Variants in CYFIP2 observed in about 807,000 individuals in gnomAD.
CYFIP2 encodes cytoplasmic FMR1-interacting protein 2.
CYFIP2 carries 29 observed loss-of-function variants against 158.7 expected under a neutral mutation model. The ratio of observed to expected loss-of-function variants is 0.18; its 90% CI spans 0.14 to 0.25. The LOEUF (loss-of-function observed/expected upper bound fraction) is 0.25. CYFIP2 is among the 10% of genes least tolerant of loss of function. The pLI is 1.00. For missense variants in CYFIP2, 852 were observed against 1,639.5 expected (o/e 0.52, Z 8.29); for synonymous variants, 585 against 617.6 (o/e 0.95, Z 0.78).
At chr5:157,383,411 G>T (rs779748815) in intron 28 of CYFIP2, 52 bp downstream of exon 28, 9 of 1,524,584 alleles carry the variant, frequency 5.9e-6, no homozygotes, top group African/African-American at 1.4e-5. Flanking sequence ...GAACTTGAGA[G>T]CATTTGACCA....
At chr5:157,379,687 A>C (rs1330188471) in intron 26 of CYFIP2, among the ~76,000 whole-genome samples, 1 of 150,338 alleles carries the variant, frequency 6.7e-6, no homozygotes, top group Admixed American at 6.6e-5. Flanking sequence ...AAAAAAAAAA[A>C]AAAAAACCCA....
intron 19 of CYFIP2, 68 bp downstream of exon 19, chr5:157,328,117 T>C (rs761102562): frequency 2.9e-4 from 417 of 1,446,150 alleles, no homozygotes; most frequent in Non-Finnish European, 3.7e-4. Context: ...TGATTTTCTG[T>C]TGTGAAACCT....
chr5:157,302,258 C>A (rs1462088833), intron 6 of CYFIP2, among the ~76,000 whole-genome samples: 1 of 152,178 alleles, frequency 6.6e-6, no homozygotes, highest in Non-Finnish European at 1.5e-5. Flanking sequence ...CCCATCAAGT[C>A]CTGCTTGTGT....
intron 23 of CYFIP2, among the ~76,000 whole-genome samples, chr5:157,354,167 A>G (rs1219179802): frequency 6.6e-6 from 1 of 152,200 alleles, no homozygotes; most frequent in Admixed American, 6.5e-5. Context: ...TCACACAGTA[A>G]TAACATGGCT....
chr5:157,386,624 G>A (rs190350878), intron 28 of CYFIP2, among the ~76,000 whole-genome samples: 3 of 152,308 alleles, frequency 2.0e-5, no homozygotes, highest in Admixed American at 1.3e-4. Context: ...ACGATGTTAT[G>A]TATAAGGATG....
Position 157,346,859 on chromosome 5 carries a change from C to T in CYFIP2, c.2673+5702C>T, listed in dbSNP as rs562561171. Among the ~76,000 whole-genome samples the T allele has an allele frequency of 2.0e-5, 3 of 152,274 alleles. 1 individual carries two copies. The East Asian group carries it at 5.8e-4, about 29-fold the overall frequency. The stretch of plus-strand genomic sequence containing the variant: ...GTTTGCTACTCCTGGATTGAATCAT[C>T]CCCAGCGTTCCTTTCCTTTCAAGAA... On this transcript the variant is annotated intron_variant, in intron 23 of 30. Coordinates refer to ENST00000620254, the MANE Select transcript of CYFIP2 (RefSeq NM_001037333.3).
intron 27 of CYFIP2, among the ~76,000 whole-genome samples, chr5:157,382,913 CA>C (rs1403685597): frequency 6.6e-6 from 1 of 152,166 alleles, no homozygotes; most frequent in Non-Finnish European, 1.5e-5. Flanking sequence ...AATTCTTCAA[CA>C]AATTCCTTAT....
chr5:157,290,668 G>A (rs1757748018), intron 3 of CYFIP2, among the ~76,000 whole-genome samples: 1 of 152,208 alleles, frequency 6.6e-6, no homozygotes, highest in Non-Finnish European at 1.5e-5. Context: ...ATGTGGCTTA[G>A]GCATGAGTCA....
chr5:157,330,807 C>T lies in CYFIP2; in HGVS notation c.2222C>T (p.Pro741Leu), dbSNP rs769467382. Residue 741 changes from proline to leucine, a missense_variant, in exon 20 of 31, where the codon CCG (proline) becomes CTG (leucine). This residue lies in a region of CYFIP2 where 191 missense variants were observed against 311.2 expected (regional missense o/e 0.61). Coordinates refer to ENST00000620254, the MANE Select transcript of CYFIP2 (RefSeq NM_001037333.3). Reference sequence around the variant, plus strand: ...TATGGCGTCATCATTCCGTATCCACCGTCCAATCGCTATGAAACACTGCTG... The same window carrying T: ...TATGGCGTCATCATTCCGTATCCACTGTCCAATCGCTATGAAACACTGCTG... Reference protein sequence around the residue: ...KNYGVIIPYPPSNRYETLLKQ... With the variant: ...KNYGVIIPYPLSNRYETLLKQ... The T allele has an allele frequency of 2.6e-5, 42 of 1,613,858 alleles. No individual in the cohort carries two copies. The highest frequency in any genetic ancestry group is 3.3e-4 in the Middle Eastern group (2 of 6,084).
At chr5:157,334,653 A>G (rs1285145033) in intron 21 of CYFIP2, among the ~76,000 whole-genome samples, 1 of 152,198 alleles carries the variant, frequency 6.6e-6, no homozygotes, top group Non-Finnish European at 1.5e-5. Context: ...TAATTATGAG[A>G]AAATATCAGA....
intron 26 of CYFIP2, chr5:157,376,957 C>T: frequency 2.2e-6 from 1 of 453,466 alleles, no homozygotes; most frequent in South Asian, 1.6e-5. Flanking sequence ...TGCAGCCTTG[C>T]TGTTCTCTGA....
At chr5:157,289,768 G>A (rs1364051421) in intron 3 of CYFIP2, among the ~76,000 whole-genome samples, 2 of 152,036 alleles carry the variant, frequency 1.3e-5, no homozygotes, top group Non-Finnish European at 1.5e-5. Flanking sequence ...ATAAATTTGG[G>A]GGGCACACAA....
chr5:157,292,932 T>C (rs1316868590), intron 3 of CYFIP2, among the ~76,000 whole-genome samples: 1 of 152,154 alleles, frequency 6.6e-6, no homozygotes, highest in Non-Finnish European at 1.5e-5. Flanking sequence ...AACAGATGAC[T>C]AAGTGGAGAA....
chr5:157,333,356 A>C lies in CYFIP2; in HGVS notation c.2295A>C (p.Arg765Ser). The C allele has an allele frequency of 2.5e-6, 4 of 1,613,862 alleles. No homozygotes were observed. The highest frequency in any genetic ancestry group is 3.4e-6 in the Non-Finnish European group (4 of 1,179,854). ...TGGGTAGATCAATTGACTTGAACAGACTCATTACCCAGCGCATCTCTGCCG... is the reference window on the plus strand; with the variant it reads ...TGGGTAGATCAATTGACTTGAACAGCCTCATTACCCAGCGCATCTCTGCCG... ...QLLGRSIDLN[R>S]LITQRISAAM... Residue 765 changes from arginine to serine, a missense_variant, in exon 21 of 31, where the codon AGA (arginine) becomes AGC (serine). Arg to Ser is a moderately radical substitution (Grantham distance 110). Transcript: ENST00000620254.
chr5:157,339,292 G>C, intron 22 of CYFIP2, 36 bp downstream of exon 22: 1 of 1,586,934 alleles, frequency 6.3e-7, no homozygotes, highest in Non-Finnish European at 8.6e-7. Context: ...GCCGGGTGGG[G>C]GTTGGGGGAG....
intron 3 of CYFIP2, among the ~76,000 whole-genome samples, chr5:157,291,009 C>T (rs1470732243): frequency 6.6e-6 from 1 of 152,168 alleles, no homozygotes; most frequent in Non-Finnish European, 1.5e-5. Flanking sequence ...GAGCTACACT[C>T]ACATTGGGTT....
chr5:157,309,856 T>A, intron 10 of CYFIP2, 22 bp downstream of exon 10: 1 of 1,568,504 alleles, frequency 6.4e-7, no homozygotes, highest in Non-Finnish European at 8.6e-7. Context: ...CCGTAATGTC[T>A]CTCGGCTCCC....
chr5:157,331,901 A>G (rs921424602), intron 20 of CYFIP2, among the ~76,000 whole-genome samples: 2 of 152,228 alleles, frequency 1.3e-5, no homozygotes, highest in African/African-American at 4.8e-5. Flanking sequence ...GGTACTCAAC[A>G]AATGTTCATT....
chr5:157,362,363 A>G (rs1763914854), intron 26 of CYFIP2, among the ~76,000 whole-genome samples: 1 of 152,198 alleles, frequency 6.6e-6, no homozygotes, highest in African/African-American at 2.4e-5. Flanking sequence ...TCTGAAAAAG[A>G]ACTCTGGTTC....
Sources: allele counts gnomAD v4.1 joint callset (sites outside exome capture counted in the v4.1 genomes callset), GRCh38; gene constraint gnomAD v4.1.1; regional missense constraint gnomAD v4.1.1; transcripts MANE v1.5; gene names NCBI Gene and HGNC (gene_info 2026-07-23, HGNC 2026-07-21).